Variants in DMD observed in about 807,000 individuals in gnomAD.
The protein encoded by DMD is mutant dystrophin.
DMD carries 63 observed loss-of-function variants against 330.1 expected under a neutral mutation model. That is an observed-to-expected ratio of 0.19 (90% confidence interval 0.16 to 0.24). The LOEUF is 0.24. DMD is among the 10% of genes least tolerant of loss of function. The probability of loss-of-function intolerance (pLI) is 1.00; values close to 1 mark genes in which losing one functional copy is unlikely to be tolerated. For missense variants in DMD, 3,344 were observed against 2,684.1 expected (o/e 1.25, Z -5.43); for synonymous variants, 1,223 against 959.8 (o/e 1.27, Z -5.07).
At chrX:31,229,631 C>CATAT (rs1319705781) in intron 63 of DMD, among the ~76,000 whole-genome samples, 3 of 111,641 alleles carry the variant, frequency 2.7e-5, no homozygotes, top group Non-Finnish European at 5.6e-5. Flanking sequence ...AAATTTAGAG[C>CATAT]ACATATGCTT....
At chrX:31,691,417 T>TA (rs1160201050) in intron 52 of DMD, among the ~76,000 whole-genome samples, 1 of 111,487 alleles carries the variant, frequency 9.0e-6, no homozygotes, top group African/African-American at 3.3e-5. Context: ...ATGACACTAG[T>TA]AAGTCCTTAC....
chrX:32,582,523 A>T (rs374870137), intron 13 of DMD, among the ~76,000 whole-genome samples: 30 of 112,128 alleles, frequency 2.7e-4, no homozygotes, highest in African/African-American at 9.4e-4. Context: ...AAGACTTTAC[A>T]TAATAAAAAT....
intron 44 of DMD, among the ~76,000 whole-genome samples, chrX:32,034,347 AAATT>A (rs2095921494): frequency 8.9e-6 from 1 of 112,144 alleles, no homozygotes; most frequent in Non-Finnish European, 1.9e-5. Context: ...CACATTTTCT[AAATT>A]AATTATTTTA....
chrX:32,726,084 T>C (rs2066848818), intron 7 of DMD, among the ~76,000 whole-genome samples: 1 of 111,357 alleles, frequency 9.0e-6, no homozygotes. Flanking sequence ...TTTTATCCAA[T>C]ATATATGTTA....
chrX:31,981,648 A>G (rs761703020), intron 44 of DMD, among the ~76,000 whole-genome samples: 1 of 111,553 alleles, frequency 9.0e-6, no homozygotes, highest in Non-Finnish European at 1.9e-5. Context: ...AAGGTTAGGG[A>G]TAGAGACGAC....
intron 1 of DMD, among the ~76,000 whole-genome samples, chrX:33,137,014 TATAC>T (rs1450609319): frequency 9.0e-6 from 1 of 110,672 alleles, no homozygotes; most frequent in Non-Finnish European, 1.9e-5. Context: ...TTAAAAACTA[TATAC>T]ATATATATTA....
At chrX:32,219,936 C>G (rs1046585586) in intron 43 of DMD, among the ~76,000 whole-genome samples, 2 of 60,955 alleles carry the variant, frequency 3.3e-5, no homozygotes, top group Non-Finnish European at 6.8e-5. Context: ...AATTCTTTTC[C>G]TTTTTACAAG....
intron 29 of DMD, among the ~76,000 whole-genome samples, chrX:32,428,594 T>G: frequency 1.8e-5 from 2 of 111,841 alleles, no homozygotes; most frequent in Admixed American, 1.9e-4. Context: ...GTTTTAAAGG[T>G]ATTTTCCCAG....
chrX:31,756,370 C>A (rs1165262306), intron 51 of DMD, among the ~76,000 whole-genome samples: 1 of 112,033 alleles, frequency 8.9e-6, no homozygotes, highest in East Asian at 2.8e-4. Context: ...TTTTTATTTG[C>A]CAAACATGTC....
chrX:33,139,868 TAAAAAA>T (rs3990971), intron 1 of DMD, among the ~76,000 whole-genome samples: 2 of 64,377 alleles, frequency 3.1e-5, no homozygotes, highest in African/African-American at 1.6e-4. Flanking sequence ...GCCCCATCGC[TAAAAAA>T]AAAAAAAAAA....
chrX:33,142,850 G>A (rs1277014605), intron 1 of DMD, among the ~76,000 whole-genome samples: 1 of 111,951 alleles, frequency 8.9e-6, no homozygotes, highest in Non-Finnish European at 1.9e-5. Flanking sequence ...CTAAAGCATA[G>A]GCTTTTATGT....
At chrX:32,524,468 A>C (rs1054396989) in intron 17 of DMD, among the ~76,000 whole-genome samples, 2 of 112,249 alleles carry the variant, frequency 1.8e-5, no homozygotes, top group Non-Finnish European at 3.8e-5. Context: ...CAAGATAAAA[A>C]TGGTTTAGAC....
intron 44 of DMD, among the ~76,000 whole-genome samples, chrX:32,037,858 C>T (rs759422012): frequency 7.0e-4 from 78 of 111,290 alleles, no homozygotes; most frequent in African/African-American, 2.4e-3. Context: ...TGGAATAAAC[C>T]ACTATTTATT....
chrX:32,919,523 T>G (rs961188160), intron 2 of DMD, among the ~76,000 whole-genome samples: 1 of 112,118 alleles, frequency 8.9e-6, no homozygotes, highest in Admixed American at 9.5e-5. Context: ...CTTTTATTTT[T>G]TATGTTTTAG....
At chrX:32,116,045 C>T (rs906361272) in intron 44 of DMD, among the ~76,000 whole-genome samples, 2 of 111,919 alleles carry the variant, frequency 1.8e-5, no homozygotes, top group Admixed American at 9.4e-5. Flanking sequence ...GAGTTAAATT[C>T]TTTTATCACG....
At chrX:33,308,126 C>T (rs2053792140) in intron 1 of DMD, among the ~76,000 whole-genome samples, 2 of 112,266 alleles carry the variant, frequency 1.8e-5, no homozygotes, top group South Asian at 7.3e-4. Flanking sequence ...CCATAAATGA[C>T]AAGCTACTTA....
intron 17 of DMD, among the ~76,000 whole-genome samples, chrX:32,539,445 G>A (rs1426336528): frequency 9.1e-6 from 1 of 110,408 alleles, no homozygotes; most frequent in African/African-American, 3.3e-5. Context: ...TATGGGCTGT[G>A]CCAATAGGCA....
intron 74 of DMD, among the ~76,000 whole-genome samples, chrX:31,154,731 G>T (rs958568988): frequency 1.8e-5 from 2 of 111,596 alleles, no homozygotes; most frequent in African/African-American, 6.5e-5. Context: ...TAGTCATGAA[G>T]TCATTTCAAT....
intron 41 of DMD, among the ~76,000 whole-genome samples, chrX:32,339,415 T>C (rs1318642913): frequency 8.9e-6 from 1 of 112,058 alleles, no homozygotes; most frequent in Non-Finnish European, 1.9e-5. Context: ...TTCTCTCATT[T>C]TGAATATCTG....
Sources: gnomAD v4.1 joint callset for allele counts (sites outside exome capture counted in the v4.1 genomes callset) on GRCh38, gnomAD v4.1.1 for gene constraint, MANE v1.5 for transcripts, NCBI Gene and HGNC (gene_info 2026-07-23, HGNC 2026-07-21) for gene names.